MLLT3: variants seen among roughly 807,000 people sequenced by gnomAD.
MLLT3 encodes MLLT3 super elongation complex subunit, also known as protein AF-9.
A neutral mutation model predicts 53.2 loss-of-function variants in MLLT3; 4 were observed. That is an observed-to-expected ratio of 0.08 (90% CI 0.04 to 0.17). MLLT3 has a LOEUF of 0.17. Among genes scored for constraint, MLLT3 ranks in the 10% least tolerant of loss-of-function variants. The probability of loss-of-function intolerance (pLI) is 1.00; values close to 1 mark genes in which losing one functional copy is unlikely to be tolerated. For synonymous variants in MLLT3, 283 were observed against 230.6 expected (o/e 1.23, Z -2.06); for missense variants, 569 against 684.0 (o/e 0.83, Z 1.87).
Position 20,396,306 on chromosome 9 carries a change from G to A in MLLT3, c.1125+17415C>T, listed in dbSNP as rs62552433. Among the ~76,000 whole-genome samples, 640 of 152,128 alleles carry A rather than the reference G, an allele frequency of 4.2e-3. 4 individuals carry two copies. The highest frequency in any genetic ancestry group is 0.01 in the Middle Eastern group (3 of 294). ...AAAGAGGGAAGACAGAAGGAAACTAGAAATATTCAGGTTCTACTGGAATTT... is the reference window on the plus strand; with the variant it reads ...AAAGAGGGAAGACAGAAGGAAACTAAAAATATTCAGGTTCTACTGGAATTT... On this transcript the variant is annotated intron_variant, in intron 5 of 10. Coordinates refer to ENST00000380338, the MANE Select transcript of MLLT3 (RefSeq NM_004529.4).
chr9:20,564,076 T>C (rs113360171), intron 2 of MLLT3, among the ~76,000 whole-genome samples: 90 of 152,296 alleles, frequency 5.9e-4, no homozygotes, highest in South Asian at 1.4e-3. Flanking sequence ...CCAAATATTC[T>C]AATCTGTCAT....
intron 3 of MLLT3, among the ~76,000 whole-genome samples, chr9:20,456,262 A>T (rs1392549121): frequency 6.6e-6 from 1 of 152,036 alleles, no homozygotes; most frequent in Non-Finnish European, 1.5e-5. Flanking sequence ...ATCCAGTAAA[A>T]TCCATATATC....
intron 4 of MLLT3, among the ~76,000 whole-genome samples, chr9:20,443,874 G>A (rs1823620437): frequency 1.3e-5 from 2 of 152,136 alleles, no homozygotes; most frequent in Non-Finnish European, 2.9e-5. Context: ...AGATGCAATG[G>A]TTTTTCCCAG....
intron 2 of MLLT3, among the ~76,000 whole-genome samples, chr9:20,570,819 C>T (rs989716890): frequency 6.7e-6 from 1 of 148,240 alleles, no homozygotes; most frequent in African/African-American, 2.6e-5. Context: ...CAACAAATTC[C>T]ATATTTTCTT....
At chr9:20,591,271 G>A (rs1820122436) in intron 2 of MLLT3, among the ~76,000 whole-genome samples, 1 of 152,170 alleles carries the variant, frequency 6.6e-6, no homozygotes. Context: ...GTACAGCAGA[G>A]GTGCTGCAAT....
At chr9:20,429,141 A>C (rs192747177) in intron 4 of MLLT3, among the ~76,000 whole-genome samples, 1 of 152,272 alleles carries the variant, frequency 6.6e-6, no homozygotes, top group Non-Finnish European at 1.5e-5. Context: ...AAGTGGGAAG[A>C]GTGCTCTCTT....
At chr9:20,599,003 C>G (rs1486548049) in intron 2 of MLLT3, among the ~76,000 whole-genome samples, 1 of 152,148 alleles carries the variant, frequency 6.6e-6, no homozygotes, top group Non-Finnish European at 1.5e-5. Context: ...GGACTCAAAT[C>G]ATTAGAATTT....
At chr9:20,512,479 T>G (rs1161881872) in intron 2 of MLLT3, among the ~76,000 whole-genome samples, 1 of 152,184 alleles carries the variant, frequency 6.6e-6, no homozygotes, top group African/African-American at 2.4e-5. Context: ...ATCAGAAACT[T>G]TGGGGGAAGA....
chr9:20,523,731 A>G (rs72701915), intron 2 of MLLT3, among the ~76,000 whole-genome samples: 26,671 of 152,108 alleles, frequency 0.18, 3,132 homozygotes, highest in Non-Finnish European at 0.25. Flanking sequence ...GCACTTTGGG[A>G]GGCTGATGAG....
intron 5 of MLLT3, among the ~76,000 whole-genome samples, chr9:20,372,047 G>A (rs2118670984): frequency 6.6e-6 from 1 of 152,244 alleles, no homozygotes; most frequent in East Asian, 1.9e-4. Flanking sequence ...CTGCAGATGT[G>A]GTGGAAACAG....
At chr9:20,606,970 G>C (rs2131203940) in intron 2 of MLLT3, among the ~76,000 whole-genome samples, 1 of 152,170 alleles carries the variant, frequency 6.6e-6, no homozygotes, top group Non-Finnish European at 1.5e-5. Context: ...GTCTTTACAA[G>C]TCTACAAGTA....
At chr9:20,544,746 G>A (rs888937931) in intron 2 of MLLT3, among the ~76,000 whole-genome samples, 2 of 152,122 alleles carry the variant, frequency 1.3e-5, no homozygotes, top group African/African-American at 4.8e-5. Flanking sequence ...ATATCCATAG[G>A]AAATGCAATC....
intron 2 of MLLT3, among the ~76,000 whole-genome samples, chr9:20,599,831 T>C (rs879327505): frequency 3.3e-5 from 5 of 152,212 alleles, no homozygotes; most frequent in Non-Finnish European, 7.3e-5. Flanking sequence ...ACATGGACCA[T>C]GGGCAAGTTA....
chr9:20,355,591 G>A (rs1193395131), intron 8 of MLLT3, among the ~76,000 whole-genome samples: 1 of 152,174 alleles, frequency 6.6e-6, no homozygotes, highest in Non-Finnish European at 1.5e-5. Context: ...AAATGCAGCT[G>A]ATTTCTTTGA....
intron 2 of MLLT3, among the ~76,000 whole-genome samples, chr9:20,543,540 G>C (rs1243884861): frequency 1.3e-5 from 2 of 152,192 alleles, no homozygotes; most frequent in Middle Eastern, 3.4e-3. Context: ...ACTTTGGGAG[G>C]CCAAGAAGGG....
At chr9:20,501,467 C>G (rs553130604) in intron 2 of MLLT3, among the ~76,000 whole-genome samples, 1 of 152,156 alleles carries the variant, frequency 6.6e-6, no homozygotes, top group African/African-American at 2.4e-5. Context: ...TAAAACCACA[C>G]CCGGCCGGGC....
intron 2 of MLLT3, among the ~76,000 whole-genome samples, chr9:20,591,004 C>T (rs1396213348): frequency 6.6e-6 from 1 of 152,118 alleles, no homozygotes; most frequent in Admixed American, 6.5e-5. Flanking sequence ...TCCACGTCAA[C>T]CTCCCAAAGT....
chr9:20,498,425 T>C (rs1825136590), intron 2 of MLLT3, among the ~76,000 whole-genome samples: 1 of 152,116 alleles, frequency 6.6e-6, no homozygotes, highest in Non-Finnish European at 1.5e-5. Context: ...CTTTCACATC[T>C]GTATATCTCC....
intron 2 of MLLT3, among the ~76,000 whole-genome samples, chr9:20,562,658 C>A (rs911495427): frequency 6.6e-6 from 1 of 152,080 alleles, no homozygotes; most frequent in African/African-American, 2.4e-5. Context: ...GATACATGTG[C>A]AATTTTATAC....
Sources: allele counts gnomAD v4.1 joint callset (sites outside exome capture counted in the v4.1 genomes callset), GRCh38; gene constraint gnomAD v4.1.1; transcripts MANE v1.5; gene names NCBI Gene and HGNC (gene_info 2026-07-23, HGNC 2026-07-21).